Variants in OSCP1 observed in about 807,000 individuals in gnomAD.
The protein encoded by OSCP1 is organic solute carrier partner 1, also known as protein OSCP1.
OSCP1 carries 35 observed loss-of-function variants against 45.1 expected under a neutral mutation model. The ratio of observed to expected loss-of-function variants is 0.78; its 90% CI spans 0.59 to 1.03. OSCP1 has a LOEUF of 1.03. Among genes scored for constraint, OSCP1 ranks in the 50% least tolerant of loss-of-function variants. OSCP1 has a pLI of 0.00. For missense variants in OSCP1, 400 were observed against 470.7 expected, an observed-to-expected ratio of 0.85 and a Z score of 1.39; for synonymous variants, 179 against 180.1, an observed-to-expected ratio of 0.99 and a Z score of 0.05.
intron 2 of OSCP1, among the ~76,000 whole-genome samples, chr1:36,435,394 A>G (rs1413722371): frequency 6.6e-6 from 1 of 151,478 alleles, no homozygotes; most frequent in African/African-American, 2.4e-5. Flanking sequence ...TGATTCTTCC[A>G]CCTGGGCCTC....
chr1:36,448,991 T>G (rs1649707682), intron 1 of OSCP1, among the ~76,000 whole-genome samples: 1 of 152,166 alleles, frequency 6.6e-6, no homozygotes, highest in Admixed American at 6.5e-5. Flanking sequence ...GGAGGGGGTA[T>G]GTTATAGGGA....
At chr1:36,449,782 AGCCGAGATCGT>A (rs1649769117) in intron 1 of OSCP1, among the ~76,000 whole-genome samples, 1 of 129,522 alleles carries the variant, frequency 7.7e-6, no homozygotes, top group Non-Finnish European at 1.6e-5. Flanking sequence ...GGTTGCAGTG[AGCCGAGATCGT>A]GCCACACACT....
At chr1:36,439,561 C>T (rs1418413524) in intron 1 of OSCP1, among the ~76,000 whole-genome samples, 4 of 152,040 alleles carry the variant, frequency 2.6e-5, no homozygotes, top group Non-Finnish European at 5.9e-5. Flanking sequence ...CAAATCTAAA[C>T]ATTTTTACTT....
In OSCP1 at chr1:36,417,963, A is replaced by G. The variant is rs1054366247; in HGVS notation, c.*176T>C. 4 of 553,572 alleles carry G rather than the reference A, an allele frequency of 7.2e-6. No homozygotes were observed. The highest frequency in any genetic ancestry group is 5.7e-5 in the African/African-American group (3 of 52,482). 34.3% of individuals were successfully genotyped at this position (553,572 alleles called of 1,614,324 possible). On this transcript the variant is annotated 3_prime_UTR_variant, in exon 10 of 10. Coordinates refer to ENST00000235532, the MANE Select transcript of OSCP1 (RefSeq NM_145047.5). ...AAATATGTGTATGTGTGTGCCTTCA[A>G]GAGTGAGTGCTCCTCAAGGGAGACT...
chr1:36,439,842 A>G (rs1398707723), intron 1 of OSCP1, among the ~76,000 whole-genome samples: 1 of 152,232 alleles, frequency 6.6e-6, no homozygotes, highest in Non-Finnish European at 1.5e-5. Context: ...TAAAGTGTCT[A>G]TAGTTTTAGG....
intron 4 of OSCP1, among the ~76,000 whole-genome samples, chr1:36,430,585 C>A (rs1394193539): frequency 6.6e-6 from 1 of 151,900 alleles, no homozygotes; most frequent in Non-Finnish European, 1.5e-5. Flanking sequence ...GCCTGGGAAA[C>A]ATAGTAAGAC....
intron 4 of OSCP1, 60 bp downstream of exon 4, chr1:36,431,742 C>T: frequency 6.5e-7 from 1 of 1,542,706 alleles, no homozygotes; most frequent in East Asian, 2.3e-5. Context: ...TCATGACTAC[C>T]AGGGTTGTTT....
At chr1:36,449,056 T>C (rs1649713137) in intron 1 of OSCP1, among the ~76,000 whole-genome samples, 1 of 152,204 alleles carries the variant, frequency 6.6e-6, no homozygotes. Context: ...CACACAATAG[T>C]TAATATCTGA....
chr1:36,445,632 G>T (rs16823001), intron 1 of OSCP1, among the ~76,000 whole-genome samples: 1 of 152,118 alleles, frequency 6.6e-6, no homozygotes, highest in Non-Finnish European at 1.5e-5. Flanking sequence ...GAAAATATTG[G>T]GAAAGCAGCA....
Position 36,422,842 on chromosome 1 carries a change from T to A in OSCP1, c.675A>T (p.Gly225=), listed in dbSNP as rs1353294733. Residue 225 remains glycine (G), a synonymous_variant, in exon 6 of 10, where the codon GGA becomes GGT. Transcript: ENST00000235532. The part of the protein sequence containing the change: ...EVKRIEFKHG[G]NYVPAPKEGS... ...CTTCTTTGGGTGCAGGGACATAGTT[T>A]CCACCATGCTTGAATTCTATCCTCT... 1 of 1,611,078 alleles carries A rather than the reference T, an allele frequency of 6.2e-7. No homozygotes were observed. Among genetic ancestry groups the A allele is most frequent in the South Asian group, 1.1e-5 (1 of 90,652 alleles).
intron 4 of OSCP1, chr1:36,428,205 A>AAG: frequency 1.0e-5 from 14 of 1,357,208 alleles, no homozygotes; most frequent in Non-Finnish European, 1.2e-5. Context: ...AAAAAAAAAA[A>AAG]AAAAAGAAAG....
At chr1:36,425,350 C>T (rs373785697) in intron 4 of OSCP1, among the ~76,000 whole-genome samples, 1 of 152,130 alleles carries the variant, frequency 6.6e-6, no homozygotes, top group African/African-American at 2.4e-5. Flanking sequence ...TTCTGTGCAT[C>T]AGTTTTCCCT....
intron 1 of OSCP1, among the ~76,000 whole-genome samples, chr1:36,446,799 C>A (rs1486394335): frequency 6.6e-6 from 1 of 152,206 alleles, no homozygotes; most frequent in Non-Finnish European, 1.5e-5. Context: ...TCAGTTTCCT[C>A]TCCTGTAAAA....
At chr1:36,431,956 G>C in intron 3 of OSCP1, 74 bp from the exon 4 acceptor site, 3 of 1,372,280 alleles carry the variant, frequency 2.2e-6, no homozygotes, top group Non-Finnish European at 3.0e-6. Flanking sequence ...AGGGCAGATG[G>C]GTACTCAGGG....
At chr1:36,432,324 C>A (rs1570522755) in intron 3 of OSCP1, 98 bp downstream of exon 3, 3 of 1,403,614 alleles carry the variant, frequency 2.1e-6, no homozygotes, top group Non-Finnish European at 2.9e-6. Flanking sequence ...CTTTGCCATT[C>A]CTCATCCTGT....
At chr1:36,423,718 C>T (rs1647795179) in intron 4 of OSCP1, among the ~76,000 whole-genome samples, 2 of 151,628 alleles carry the variant, frequency 1.3e-5, no homozygotes, top group African/African-American at 4.8e-5. Context: ...ACTAAAAATA[C>T]AAAAAATTAG....
intron 1 of OSCP1, among the ~76,000 whole-genome samples, chr1:36,441,519 C>G (rs112595886): frequency 0.049 from 7,308 of 150,592 alleles, 571 homozygotes; most frequent in African/African-American, 0.17. Flanking sequence ...GAGGCCGAGG[C>G]GGGCGGATCA....
rs780346891 is a variant in OSCP1, at chr1:36,436,104, ATTTTTT to A, written c.267+2646_267+2651del. On this transcript the variant is annotated intron_variant, in intron 2 of 9. Transcript: ENST00000235532. ...AAAATTTTTCTTTCTCTCTCTCTCT[ATTTTTT>A]TTTTTTTTTTTGAGATGGAGTCTTG... Among the ~76,000 whole-genome samples the A allele has an allele frequency of 2.7e-4, 31 of 113,876 alleles. No homozygotes were observed. The East Asian group carries it at 8.4e-3, about 31-fold the overall frequency. The allele number at this position is 113,876 out of a possible 152,430, so 74.7% of individuals were successfully genotyped here.
chr1:36,431,729 CCCTCATGACTA>C, intron 4 of OSCP1, 62 bp downstream of exon 4: 2 of 1,442,378 alleles, frequency 1.4e-6, no homozygotes, highest in Non-Finnish European at 1.9e-6. Context: ...TCCTTGTTTG[CCCTCATGACTA>C]CCAGGGTTGT....
Sources: allele counts gnomAD v4.1 joint callset (sites outside exome capture counted in the v4.1 genomes callset), GRCh38; gene constraint gnomAD v4.1.1; transcripts MANE v1.5; gene names NCBI Gene and HGNC (gene_info 2026-07-23, HGNC 2026-07-21).